The following MX2 variants were observed in gnomAD, a reference collection of about 807,000 sequenced individuals.
The protein encoded by MX2 is interferon-induced GTP-binding protein Mx2.
MX2 carries 51 observed loss-of-function variants against 74.0 expected under a neutral mutation model. The ratio of observed to expected loss-of-function variants is 0.69; its 90% CI spans 0.55 to 0.87. The LOEUF is 0.87. MX2 is among the 40% of genes least tolerant of loss of function. The probability of loss-of-function intolerance (pLI) is 0.00; values close to 1 mark genes in which losing one functional copy is unlikely to be tolerated. For missense variants in MX2, 832 were observed against 908.7 expected (o/e 0.92, Z 1.09); for synonymous variants, 369 against 339.3 (o/e 1.09, Z -0.96).
At chr21:41,381,279 A>G (rs1353764257) in intron 4 of MX2, among the ~76,000 whole-genome samples, 1 of 152,208 alleles carries the variant, frequency 6.6e-6, no homozygotes, top group Non-Finnish European at 1.5e-5. Flanking sequence ...GTTCGTTGAC[A>G]TCTGTCTGGA....
chr21:41,382,330 CA>C, intron 4 of MX2, 79 bp from the exon 5 acceptor site: 1 of 1,495,666 alleles, frequency 6.7e-7, no homozygotes, highest in Non-Finnish European at 9.0e-7. Context: ...TGGAAAGGAG[CA>C]GTCATTACCT....
In MX2 at chr21:41,385,994, T is replaced by TA. The variant is rs528285041; in HGVS notation, c.732+3438dup. Among the ~76,000 whole-genome samples, 439 of 151,254 alleles carry TA rather than the reference T, an allele frequency of 2.9e-3. 2 individuals carry two copies. The highest frequency in any genetic ancestry group is 4.2e-3 in the Non-Finnish European group (283 of 67,782). ...GAGCTGCCACAAACCTTTGATTTGT[T>TA]AAAAAAAATACAAATAAAGATAAGG... is the stretch of plus-strand genomic sequence containing the variant. On this transcript the variant is annotated intron_variant, in intron 5 of 13. Coordinates refer to ENST00000330714, the MANE Select transcript of MX2 (RefSeq NM_002463.2).
rs528341279 is a variant in MX2 at position 41,394,989 on chromosome 21, A to G, written c.872-598A>G. ...AAGGAAGGAAGCAAGGAAAGAAGGA[A>G]GGAAGGAAGGAAGGAAAGAAGGAAG... On this transcript the variant is annotated intron_variant, in intron 6 of 13. Transcript: ENST00000330714. 1.5e-4 allele frequency among the ~76,000 whole-genome samples: 23 copies of G among 151,744 alleles called. No individual in the cohort carries two copies. The East Asian group carries it at 4.4e-3, about 29-fold the overall frequency.
chr21:41,375,270 A>G (rs1225625786), intron 1 of MX2, among the ~76,000 whole-genome samples: 3 of 152,190 alleles, frequency 2.0e-5, no homozygotes, highest in African/African-American at 2.4e-5. Context: ...GTGTGCCAGG[A>G]GTGAGGGCTT....
intron 6 of MX2, among the ~76,000 whole-genome samples, chr21:41,393,127 AAAAAG>A (rs1568944005): frequency 2.8e-5 from 4 of 142,012 alleles, no homozygotes; most frequent in South Asian, 2.2e-4. Flanking sequence ...AAAAAAAAAA[AAAAAG>A]AAAGAAAGAA....
At position 41,405,412 on chromosome 21, in the gene MX2, G is replaced by A. The variant is rs143529532; in HGVS notation, c.1651-1332G>A. Among the ~76,000 whole-genome samples, 289 of 152,206 alleles carry A rather than the reference G, an allele frequency of 1.9e-3. 3 individuals are homozygous for A. The highest frequency in any genetic ancestry group is 6.5e-3 in the African/African-American group (270 of 41,486). On this transcript the variant is annotated intron_variant, in intron 12 of 13. Coordinates refer to ENST00000330714, the MANE Select transcript of MX2 (RefSeq NM_002463.2). ...TGGAGGCTGGGAGCCTGAGATCAGT[G>A]TGTCGGCATGGTCAGGTGGCAGTGA...
chr21:41,393,110 C>CAAAAAAA (rs373955778), intron 6 of MX2, among the ~76,000 whole-genome samples: 237 of 60,112 alleles, frequency 3.9e-3, no homozygotes, highest in African/African-American at 6.9e-3. Context: ...CTCAAAAAAG[C>CAAAAAAA]AAAAAAAAAA....
Position 41,384,301 on chromosome 21 carries a change from G to T in MX2, c.732+1737G>T, listed in dbSNP as rs895392242. Among the ~76,000 whole-genome samples, 70 of 152,140 alleles carry T rather than the reference G, an allele frequency of 4.6e-4. 1 individual carries two copies. The highest frequency in any genetic ancestry group is 4.1e-3 in the Admixed American group (62 of 15,274). On this transcript the variant is annotated intron_variant, in intron 5 of 13. Coordinates refer to ENST00000330714, the MANE Select transcript of MX2 (RefSeq NM_002463.2). ...TGTGTGAGAACGGACTAATACAGGT[G>T]GGATCAGAACATGCAGCTTCCTCCT... is the stretch of plus-strand genomic sequence containing the variant.
At chr21:41,401,709 A>G in intron 10 of MX2, 1 of 280,784 alleles carries the variant, frequency 3.6e-6, no homozygotes, top group Non-Finnish European at 6.5e-6. Context: ...CCTACCAGTT[A>G]GAAACAATAG....
At chr21:41,386,593 G>C (rs60355250) in intron 5 of MX2, among the ~76,000 whole-genome samples, 1 of 152,144 alleles carries the variant, frequency 6.6e-6, no homozygotes, top group Non-Finnish European at 1.5e-5. Flanking sequence ...GTCTGTCCTA[G>C]ACCTCTCTCC....
At chr21:41,406,399 G>C (rs1233224529) in intron 12 of MX2, among the ~76,000 whole-genome samples, 3 of 152,200 alleles carry the variant, frequency 2.0e-5, no homozygotes, top group Non-Finnish European at 2.9e-5. Flanking sequence ...CATTCTAGCA[G>C]AAGTAGCACC....
rs115874351 is a variant in MX2, at chr21:41,382,054, G to A, written c.578-356G>A. On this transcript the variant is annotated intron_variant, in intron 4 of 13. Transcript: ENST00000330714. ...CCAGCCAATAGACTGGGTGCTTTTG[G>A]AGGGAGGAATGTTGAAGGATTTGTG... 2.5e-3 allele frequency among the ~76,000 whole-genome samples: 382 copies of A among 152,326 alleles called. 1 individual carries two copies. Among genetic ancestry groups the A allele is most frequent in the African/African-American group, 8.9e-3 (371 of 41,580 alleles).
intron 1 of MX2, among the ~76,000 whole-genome samples, chr21:41,376,598 G>A (rs528755677): frequency 6.6e-6 from 1 of 152,190 alleles, no homozygotes; most frequent in East Asian, 1.9e-4. Flanking sequence ...AGACTCTACT[G>A]GGAATGTGGA....
chr21:41,387,230 T>C (rs2145915196), intron 5 of MX2, among the ~76,000 whole-genome samples: 1 of 152,244 alleles, frequency 6.6e-6, no homozygotes, highest in South Asian at 2.1e-4. Context: ...GTCATGGAAA[T>C]CTTAGCTCCT....
chr21:41,408,192 C>T lies in MX2; in HGVS notation c.2107C>T (p.Arg703Ter), dbSNP rs758619067. 10 of 1,614,064 alleles carry T rather than the reference C, an allele frequency of 6.2e-6. No homozygotes were observed. Among genetic ancestry groups the T allele is most frequent in the Admixed American group, 1.7e-5 (1 of 60,008 alleles). The change falls in exon 14 of 14, where the codon CGA (arginine) becomes TGA (stop). Residue 703 changes from arginine to a stop codon, truncating the protein, a stop_gained. Coordinates refer to ENST00000330714, the MANE Select transcript of MX2 (RefSeq NM_002463.2). LOFTEE classifies it low-confidence loss of function (END_TRUNC). Reference protein sequence around the residue: ...KERIYRLTQARHALCQFSSKE... With the variant: ...KERIYRLTQA ...GAGAATTTACCGGCTCACTCAGGCG[C>T]GACACGCACTCTGTCAATTCTCCAG...
Position 41,395,052 on chromosome 21 carries a change from G to A in MX2, c.872-535G>A, listed in dbSNP as rs139717380. ...TTTTCAACATACACAAACAAGAAAT[G>A]CAGTGGCAATTTGACACTCAAGCAA... On this transcript the variant is annotated intron_variant, in intron 6 of 13. Transcript: ENST00000330714. Among the ~76,000 whole-genome samples, 348 of 152,216 alleles carry A rather than the reference G, an allele frequency of 2.3e-3. 2 individuals carry two copies. The highest frequency in any genetic ancestry group is 7.9e-3 in the African/African-American group (330 of 41,520).
chr21:41,383,176 T>G (rs999109681), intron 5 of MX2, among the ~76,000 whole-genome samples: 3 of 152,058 alleles, frequency 2.0e-5, no homozygotes, highest in African/African-American at 7.2e-5. Context: ...ACGGGCAACA[T>G]AGTGAGACCC....
At chr21:41,387,343 C>T (rs2089593436) in intron 5 of MX2, among the ~76,000 whole-genome samples, 2 of 152,170 alleles carry the variant, frequency 1.3e-5, no homozygotes, top group Admixed American at 6.5e-5. Flanking sequence ...TATTCTTGGC[C>T]GATTTGTCTC....
At chr21:41,362,533 C>T (rs56711770) in intron 1 of MX2, among the ~76,000 whole-genome samples, 17,439 of 151,680 alleles carry the variant, frequency 0.11, 2,387 homozygotes, top group African/African-American at 0.32. Flanking sequence ...CGGGGCAGGG[C>T]AGAGGGTGGT....
Sources: gnomAD v4.1 joint callset for allele counts (sites outside exome capture counted in the v4.1 genomes callset) on GRCh38, gnomAD v4.1.1 for gene constraint, MANE v1.5 for transcripts, NCBI Gene and HGNC (gene_info 2026-07-23, HGNC 2026-07-21) for gene names.